Variants in JPH1 observed in about 807,000 individuals in gnomAD.
The protein encoded by JPH1 is junctophilin 1.
JPH1 carries 12 observed loss-of-function variants against 53.6 expected under a neutral mutation model. That is an observed-to-expected ratio of 0.22 (90% CI 0.14 to 0.36). The LOEUF is 0.36. Among genes scored for constraint, JPH1 ranks in the 10% least tolerant of loss-of-function variants. JPH1 has a pLI of 1.00. For missense variants in JPH1, 808 were observed against 905.5 expected (o/e 0.89, Z 1.38); for synonymous variants, 375 against 363.8 (o/e 1.03, Z -0.35).
chr8:74,298,505 C>T (rs1226307609), intron 2 of JPH1, among the ~76,000 whole-genome samples: 1 of 152,268 alleles, frequency 6.6e-6, no homozygotes, highest in Non-Finnish European at 1.5e-5. Flanking sequence ...ATAACTTCCT[C>T]GGCACTCTGA....
chr8:74,294,889 C>A (rs1029704176), intron 2 of JPH1, among the ~76,000 whole-genome samples: 2 of 152,196 alleles, frequency 1.3e-5, no homozygotes, highest in Admixed American at 6.5e-5. Flanking sequence ...TCCCATTTTG[C>A]TGATGAGGGA....
At chr8:74,260,724 G>T (rs1806372811) in intron 2 of JPH1, among the ~76,000 whole-genome samples, 1 of 152,066 alleles carries the variant, frequency 6.6e-6, no homozygotes, top group South Asian at 2.1e-4. Context: ...GAGGCACCGG[G>T]CCTGGCCTGA....
chr8:74,315,521 C>T lies in JPH1; in HGVS notation c.479G>A (p.Arg160His). ...GMATVIRSPLRTSLASLRSEQ... is the reference protein window; with the variant it reads ...GMATVIRSPLHTSLASLRSEQ... ...GCTGCGCAGCGAGGCCAGCGAGGTA[C>T]GCAGCGGTGAGCGGATCACCGTGGC... The change falls in exon 2 of 6, where the codon CGT becomes CAT. Residue 160 changes from arginine (R) to histidine (H), a missense_variant. Coordinates refer to ENST00000342232, the MANE Select transcript of JPH1 (RefSeq NM_020647.4). The surrounding 1 kb of genome is among the most constrained non-coding windows in gnomAD (Gnocchi z 6.3). The T allele has an allele frequency of 6.2e-7, 1 of 1,605,980 alleles. No individual in the cohort carries two copies. Among genetic ancestry groups the T allele is most frequent in the South Asian group, 1.1e-5 (1 of 90,744 alleles).
chr8:74,259,648 C>T (rs953144294), intron 2 of JPH1, 145 bp from the exon 3 acceptor site: 7 of 576,944 alleles, frequency 1.2e-5, no homozygotes, highest in African/African-American at 1.9e-5. Flanking sequence ...AGTCCTATTG[C>T]CGTGAAATTT....
intron 3 of JPH1, among the ~76,000 whole-genome samples, chr8:74,246,627 A>G (rs1192851091): frequency 6.6e-6 from 1 of 152,134 alleles, no homozygotes; most frequent in Admixed American, 6.5e-5. Context: ...AGCTCCCATT[A>G]TCTTTTCAGA....
At position 74,255,509 on chromosome 8, in the gene JPH1, C is replaced by G. The variant is rs200242577; in HGVS notation, c.1258+3876G>C. On this transcript the variant is annotated intron_variant, in intron 3 of 5. Transcript: ENST00000342232. ...GGCAAGGACTTCATGTCTAAAACACCAAAAGCAATGGCAACAAAAGCCAAA... is the reference window on the plus strand; with the variant it reads ...GGCAAGGACTTCATGTCTAAAACACGAAAAGCAATGGCAACAAAAGCCAAA... Among the ~76,000 whole-genome samples the G allele has an allele frequency of 4.1e-3, 625 of 152,108 alleles. 23 individuals are homozygous for G. The East Asian group carries it at 0.082, about 20-fold the overall frequency.
At chr8:74,292,062 T>C (rs900875710) in intron 2 of JPH1, among the ~76,000 whole-genome samples, 1 of 152,106 alleles carries the variant, frequency 6.6e-6, no homozygotes, top group Non-Finnish European at 1.5e-5. Context: ...CATTAGGAGA[T>C]ATACTTAATG....
intron 2 of JPH1, among the ~76,000 whole-genome samples, chr8:74,273,397 A>T (rs1226235427): frequency 6.6e-6 from 1 of 152,148 alleles, no homozygotes; most frequent in African/African-American, 2.4e-5. Flanking sequence ...CTTATCCTCT[A>T]ATGTTTTTTG....
At chr8:74,299,491 C>CA (rs1187855001) in intron 2 of JPH1, among the ~76,000 whole-genome samples, 3 of 152,150 alleles carry the variant, frequency 2.0e-5, no homozygotes, top group Non-Finnish European at 4.4e-5. Flanking sequence ...TCAAATAAGG[C>CA]AAATGACGAG....
At chr8:74,240,778 T>C (rs2131374052) in intron 4 of JPH1, among the ~76,000 whole-genome samples, 1 of 152,310 alleles carries the variant, frequency 6.6e-6, no homozygotes. Context: ...CCCAGGAAAG[T>C]GAAATAGCAG....
At chr8:74,307,665 T>C (rs540818535) in intron 2 of JPH1, among the ~76,000 whole-genome samples, 1 of 152,258 alleles carries the variant, frequency 6.6e-6, no homozygotes, top group African/African-American at 2.4e-5. Flanking sequence ...CCCGTTAAAA[T>C]CACTTGTGCT....
intron 1 of JPH1, among the ~76,000 whole-genome samples, chr8:74,316,531 G>T (rs1231397531): frequency 2.6e-5 from 4 of 152,102 alleles, no homozygotes; most frequent in African/African-American, 9.7e-5. Flanking sequence ...CTATGTTGAC[G>T]GTAAAAAGCT....
intron 2 of JPH1, among the ~76,000 whole-genome samples, chr8:74,266,021 G>A (rs1175426739): frequency 6.6e-6 from 1 of 151,444 alleles, no homozygotes; most frequent in Non-Finnish European, 1.5e-5. Context: ...ACTGCCAGAG[G>A]GAATGGAAAA....
intron 2 of JPH1, among the ~76,000 whole-genome samples, chr8:74,278,995 ACACACACACACG>A (rs1563408678): frequency 5.9e-5 from 9 of 151,986 alleles, no homozygotes; most frequent in Non-Finnish European, 1.0e-4. Context: ...GCGCGCACAC[ACACACACACACG>A]CATACACACA....
chr8:74,295,797 A>G lies in JPH1; in HGVS notation c.1139+19064T>C, dbSNP rs544783060. On this transcript the variant is annotated intron_variant, in intron 2 of 5. Coordinates refer to ENST00000342232, the MANE Select transcript of JPH1 (RefSeq NM_020647.4). ...CTCGGGTTCTTGCTCCTAGGCCTTG[A>G]TCTGAAACCTGTTCAAGGAGTGGGT... Among the ~76,000 whole-genome samples the G allele has an allele frequency of 1.2e-4, 19 of 152,198 alleles. No individual in the cohort carries two copies. The East Asian group carries it at 3.3e-3, about 26-fold the overall frequency.
intron 2 of JPH1, among the ~76,000 whole-genome samples, chr8:74,313,472 A>G (rs1037888075): frequency 3.3e-5 from 5 of 151,690 alleles, no homozygotes; most frequent in South Asian, 2.1e-4. Flanking sequence ...CTTTTAATAT[A>G]TAATATAATA....
At chr8:74,302,880 T>C (rs566846416) in intron 2 of JPH1, among the ~76,000 whole-genome samples, 1 of 150,774 alleles carries the variant, frequency 6.6e-6, no homozygotes, top group East Asian at 2.0e-4. Context: ...TGGCACTAAA[T>C]AAATGTTTGC....
At chr8:74,298,985 A>C (rs1483443136) in intron 2 of JPH1, among the ~76,000 whole-genome samples, 1 of 152,170 alleles carries the variant, frequency 6.6e-6, no homozygotes, top group Non-Finnish European at 1.5e-5. Context: ...TAAAATTAAG[A>C]CCTATTACAA....
intron 3 of JPH1, among the ~76,000 whole-genome samples, chr8:74,247,244 C>T (rs1805885376): frequency 6.6e-6 from 1 of 152,114 alleles, no homozygotes; most frequent in Admixed American, 6.5e-5. Flanking sequence ...ATACTTTTCC[C>T]TCACTTCTCT....
Sources: gnomAD v4.1 joint callset for allele counts (sites outside exome capture counted in the v4.1 genomes callset) on GRCh38, gnomAD v4.1.1 for gene constraint, Gnocchi (gnomAD v3.1) non-coding constraint, MANE v1.5 for transcripts, NCBI Gene and HGNC (gene_info 2026-07-23, HGNC 2026-07-21) for gene names.